NOTCH2NLC: variants seen among roughly 807,000 people sequenced by gnomAD.
The protein encoded by NOTCH2NLC is notch 2 N-terminal like C.
Under a neutral mutation model 17.7 loss-of-function variants are expected in NOTCH2NLC, and 4 were observed. The ratio of observed to expected loss-of-function variants is 0.23; its 90% confidence interval spans 0.11 to 0.52. The LOEUF is 0.52. Among genes scored for constraint, NOTCH2NLC ranks in the 20% least tolerant of loss-of-function variants. NOTCH2NLC has a pLI of 0.96. For synonymous variants in NOTCH2NLC, 18 were observed against 86.0 expected, an observed-to-expected ratio of 0.21 and a Z score of 4.38; for missense variants, 57 against 207.2, an observed-to-expected ratio of 0.28 and a Z score of 4.45.
intron 3 of NOTCH2NLC, among the ~76,000 whole-genome samples, chr1:149,461,609 A>G (rs1199361146): frequency 6.6e-6 from 1 of 151,316 alleles, no homozygotes; most frequent in African/African-American, 2.4e-5. Flanking sequence ...AAATTCAAGG[A>G]GTTCTCGCCA....
intron 1 of NOTCH2NLC, among the ~76,000 whole-genome samples, chr1:149,414,833 C>T (rs2084321900): frequency 6.8e-6 from 1 of 147,632 alleles, no homozygotes; most frequent in South Asian, 2.2e-4. Flanking sequence ...TTATCTTTTA[C>T]TCCCCACGTT....
chr1:149,425,431 G>A lies in NOTCH2NLC; in HGVS notation c.136-5511G>A, dbSNP rs1371470202. Among the ~76,000 whole-genome samples, 6 of 151,340 alleles carry A rather than the reference G, an allele frequency of 4.0e-5. 1 individual carries two copies. Among genetic ancestry groups the A allele is most frequent in the Non-Finnish European group, 8.9e-5 (6 of 67,672 alleles). On this transcript the variant is annotated intron_variant, in intron 1 of 4. Transcript: ENST00000650865. ...GAGGAATGGAACTGAGTTCAATGAC[G>A]ATCTGTTCAGGAAAGAGGGCATAAA...
At chr1:149,424,910 T>C (rs1235505856) in intron 1 of NOTCH2NLC, among the ~76,000 whole-genome samples, 2 of 151,290 alleles carry the variant, frequency 1.3e-5, no homozygotes, top group Non-Finnish European at 3.0e-5. Context: ...CACTCATTAC[T>C]GTGGGTGGGC....
intron 1 of NOTCH2NLC, among the ~76,000 whole-genome samples, chr1:149,429,284 C>G (rs1365135180): frequency 3.3e-5 from 5 of 150,542 alleles, no homozygotes; most frequent in African/African-American, 4.9e-5. Flanking sequence ...TCTCTCTGGC[C>G]TCTACTATTG....
intron 3 of NOTCH2NLC, among the ~76,000 whole-genome samples, chr1:149,460,687 A>G (rs1450250756): frequency 1.4e-5 from 2 of 148,050 alleles, no homozygotes; most frequent in Non-Finnish European, 3.0e-5. Flanking sequence ...CACTTTAGGA[A>G]TCATCACAGA....
chr1:149,402,232 A>T (rs2084250622), intron 1 of NOTCH2NLC, among the ~76,000 whole-genome samples: 1 of 150,472 alleles, frequency 6.6e-6, no homozygotes, highest in Non-Finnish European at 1.5e-5. Context: ...GGCATGCACC[A>T]CAACGCCTGG....
At chr1:149,450,107 C>G (rs1426099572) in intron 2 of NOTCH2NLC, among the ~76,000 whole-genome samples, 1 of 143,228 alleles carries the variant, frequency 7.0e-6, no homozygotes, top group Non-Finnish European at 1.5e-5. Context: ...ATTATGTGGG[C>G]ATATGTTTTC....
chr1:149,392,938 G>A (rs1272701061), intron 1 of NOTCH2NLC, among the ~76,000 whole-genome samples: 1 of 149,546 alleles, frequency 6.7e-6, no homozygotes, highest in East Asian at 2.0e-4. Context: ...GGGCGTAGTG[G>A]CGGGCGCCTG....
At chr1:149,416,652 T>C (rs2084336809) in intron 1 of NOTCH2NLC, among the ~76,000 whole-genome samples, 1 of 140,444 alleles carries the variant, frequency 7.1e-6, no homozygotes, top group Admixed American at 7.1e-5. Context: ...GTTGCTACTC[T>C]ATTATTGAGA....
At chr1:149,436,980 C>T (rs2084486231) in intron 2 of NOTCH2NLC, among the ~76,000 whole-genome samples, 2 of 119,956 alleles carry the variant, frequency 1.7e-5, no homozygotes. Context: ...TTATGCGTAC[C>T]ACATATAACA....
intron 1 of NOTCH2NLC, among the ~76,000 whole-genome samples, chr1:149,415,181 CAG>C (rs1253415193): frequency 0.02 from 1,840 of 93,442 alleles, 16 homozygotes; most frequent in Middle Eastern, 0.037. Flanking sequence ...CTAGAAATGA[CAG>C]AGCAGTAGAA....
chr1:149,430,838 G>C, intron 1 of NOTCH2NLC, 104 bp from the exon 2 acceptor site: 1 of 298,088 alleles, frequency 3.4e-6, no homozygotes, highest in South Asian at 2.6e-5. Context: ...AGATTAGGTG[G>C]GAATGAATGC....
intron 1 of NOTCH2NLC, among the ~76,000 whole-genome samples, chr1:149,399,283 T>G (rs2101464024): frequency 6.6e-6 from 1 of 150,674 alleles, no homozygotes; most frequent in African/African-American, 2.4e-5. Context: ...CTCAAATATT[T>G]TCAATAATCT....
chr1:149,448,937 A>G (rs2084572248), intron 2 of NOTCH2NLC, among the ~76,000 whole-genome samples: 1 of 143,040 alleles, frequency 7.0e-6, no homozygotes, highest in South Asian at 2.3e-4. Flanking sequence ...GCTGGAGTGC[A>G]GTGGCGCGAT....
intron 1 of NOTCH2NLC, among the ~76,000 whole-genome samples, chr1:149,419,855 ATTTTTTTTTTTTT>A (rs1166865199): frequency 9.0e-5 from 7 of 78,208 alleles, no homozygotes; most frequent in African/African-American, 3.5e-4. Flanking sequence ...ATATATATAT[ATTTTTTTTTTTTT>A]TTTTTTTTTT....
intron 1 of NOTCH2NLC, among the ~76,000 whole-genome samples, chr1:149,419,694 T>G (rs1461990516): frequency 1.3e-4 from 19 of 150,130 alleles, no homozygotes; most frequent in Admixed American, 4.0e-4. Context: ...ATTGAGATTA[T>G]CAGCTCCTCA....
chr1:149,402,481 T>C (rs1390464244), intron 1 of NOTCH2NLC, among the ~76,000 whole-genome samples: 3 of 109,680 alleles, frequency 2.7e-5, no homozygotes, highest in African/African-American at 1.1e-4. Flanking sequence ...TTGCTTTATT[T>C]AATTCATATG....
At chr1:149,454,376 C>T in intron 2 of NOTCH2NLC, among the ~76,000 whole-genome samples, 1 of 97,718 alleles carries the variant, frequency 1.0e-5, no homozygotes, top group Middle Eastern at 4.3e-3. Context: ...TAAACAACTT[C>T]ATTATGAAAA....
intron 1 of NOTCH2NLC, among the ~76,000 whole-genome samples, chr1:149,427,225 C>T (rs2084417911): frequency 6.7e-6 from 1 of 149,874 alleles, no homozygotes; most frequent in South Asian, 2.1e-4. Context: ...ATATCTCAAA[C>T]ATATACAAAA....
Sources: gnomAD v4.1 joint callset for allele counts (sites outside exome capture counted in the v4.1 genomes callset) on GRCh38, gnomAD v4.1.1 for gene constraint, MANE v1.5 for transcripts, NCBI Gene and HGNC (gene_info 2026-07-23, HGNC 2026-07-21) for gene names.